WASHC2A: variants seen among roughly 807,000 people sequenced by gnomAD.
WASHC2A encodes WASH complex subunit 2A, also known as WASH complex subunit FAM21A.
A neutral mutation model predicts 140.3 loss-of-function variants in WASHC2A; 82 were observed. That is an observed-to-expected ratio of 0.58 (90% CI 0.49 to 0.70). WASHC2A has a LOEUF of 0.70. WASHC2A is among the 30% of genes least tolerant of loss of function. WASHC2A has a pLI of 0.00. For missense variants in WASHC2A, 985 were observed against 1,521.8 expected (o/e 0.65, Z 5.87); for synonymous variants, 340 against 560.8 (o/e 0.61, Z 5.56).
chr10:50,124,718 G>A (rs1462544304), intron 23 of WASHC2A, among the ~76,000 whole-genome samples: 1 of 151,298 alleles, frequency 6.6e-6, no homozygotes, highest in Non-Finnish European at 1.5e-5. Flanking sequence ...TTGGAAATGA[G>A]ATGAAGAGAA....
chr10:50,112,163 T>C (rs1842346012), intron 20 of WASHC2A: 1 of 983,204 alleles, frequency 1.0e-6, no homozygotes, highest in Non-Finnish European at 1.2e-6. Context: ...GTTAGCTTAT[T>C]CCCATGAGTG....
intron 26 of WASHC2A, 83 bp downstream of exon 26, chr10:50,126,262 C>T (rs2490904): frequency 1.9e-5 from 31 of 1,609,472 alleles, no homozygotes; most frequent in East Asian, 4.5e-5. Context: ...CACAGTTATT[C>T]AGACTTGTCT....
chr10:50,124,641 G>A (rs1254606522), intron 23 of WASHC2A, among the ~76,000 whole-genome samples: 5 of 152,128 alleles, frequency 3.3e-5, no homozygotes, highest in Admixed American at 1.3e-4. Flanking sequence ...GTGCTTACAG[G>A]TGAGGGACAC....
Position 50,074,865 on chromosome 10 carries a change from G to A in WASHC2A, c.292-3810G>A, listed in dbSNP as rs1429304305. Reference sequence around the variant, plus strand: ...CGGGAGGCAGAGCTTGCAGTGAGCCGAGATCCTGCCACTGCACTTCAGCCA... The same window carrying A: ...CGGGAGGCAGAGCTTGCAGTGAGCCAAGATCCTGCCACTGCACTTCAGCCA... On this transcript the variant is annotated intron_variant, in intron 3 of 30. Transcript: ENST00000282633. 8.5e-5 allele frequency among the ~76,000 whole-genome samples: 13 copies of A among 152,090 alleles called. 1 individual carries two copies. The East Asian group carries it at 9.6e-4, about 11-fold the overall frequency.
intron 8 of WASHC2A, among the ~76,000 whole-genome samples, chr10:50,090,493 A>G: frequency 1.3e-5 from 1 of 78,192 alleles, no homozygotes; most frequent in African/African-American, 3.9e-5. Context: ...ACAGAGCTAG[A>G]CTCCATCTCA....
intron 18 of WASHC2A, 130 bp from the exon 19 acceptor site, chr10:50,106,204 G>GT (rs1841763550): frequency 3.2e-6 from 4 of 1,240,476 alleles, no homozygotes; most frequent in Middle Eastern, 2.8e-4. Context: ...GCATTTTGCG[G>GT]TTTTTCCCCG....
Position 50,132,964 on chromosome 10 carries a change from A to G in WASHC2A, c.*19A>G. On this transcript the variant is annotated 3_prime_UTR_variant, in exon 31 of 31. Coordinates refer to ENST00000282633, the MANE Select transcript of WASHC2A (RefSeq NM_001005751.3). Reference sequence around the variant, plus strand: ...CCAGTAGAGCACACAGGGTATCCACATGTTACCCTGCAGCTACATTGTTGA... The same window carrying G: ...CCAGTAGAGCACACAGGGTATCCACGTGTTACCCTGCAGCTACATTGTTGA... 6.2e-7 allele frequency: 1 copy of G among 1,611,904 alleles called. No individual in the cohort carries two copies. The highest frequency in any genetic ancestry group is 8.5e-7 in the Non-Finnish European group (1 of 1,179,770).
At position 50,067,968 on chromosome 10, in the gene WASHC2A, G is replaced by A. The variant is rs1342818751; in HGVS notation, c.-38G>A. The A allele has an allele frequency of 6.3e-7, 1 of 1,598,918 alleles. No individual in the cohort carries two copies. Among genetic ancestry groups the A allele is most frequent in the Non-Finnish European group, 8.5e-7 (1 of 1,174,578 alleles). ...CGGGGCTCTGCAGTCCTCGGCGTGT[G>A]CTGGCAGCTTCGGAGCCCACCGAGC... On this transcript the variant is annotated 5_prime_UTR_variant, in exon 1 of 31. Transcript: ENST00000282633.
At chr10:50,103,882 C>T (rs1469938404) in intron 17 of WASHC2A, among the ~76,000 whole-genome samples, 160 bp from the exon 18 acceptor site, 1 of 152,024 alleles carries the variant, frequency 6.6e-6, no homozygotes, top group African/African-American at 2.4e-5. Flanking sequence ...GACCCTGAGG[C>T]CTATCCCTTT....
At chr10:50,089,536 TC>T (rs1345965405) in intron 8 of WASHC2A, among the ~76,000 whole-genome samples, 1 of 152,118 alleles carries the variant, frequency 6.6e-6, no homozygotes, top group African/African-American at 2.4e-5. Context: ...CTCTGCATAC[TC>T]TTCAGAGGTA....
intron 23 of WASHC2A, among the ~76,000 whole-genome samples, chr10:50,120,685 A>C (rs1480641574): frequency 6.1e-5 from 9 of 147,736 alleles, no homozygotes; most frequent in Admixed American, 4.7e-4. Flanking sequence ...TGATATTAAA[A>C]CTAGACAGTG....
At chr10:50,106,699 C>T (rs1554888702) in intron 19 of WASHC2A, among the ~76,000 whole-genome samples, 1 of 138,510 alleles carries the variant, frequency 7.2e-6, no homozygotes, top group Non-Finnish European at 1.6e-5. Context: ...AGTGTATGCT[C>T]CTTCAAATGA....
At chr10:50,098,672 T>C (rs1589217392) in intron 16 of WASHC2A, among the ~76,000 whole-genome samples, 1 of 119,800 alleles carries the variant, frequency 8.3e-6, no homozygotes, top group East Asian at 2.3e-4. Flanking sequence ...GTGTCTGCAT[T>C]GCATTTGGTT....
rs577256966 is a variant in WASHC2A, at chr10:50,069,864, A to G, written c.291+153A>G. On this transcript the variant is annotated intron_variant, in intron 3 of 30. Transcript: ENST00000282633. ...TCTCTGGGATTAATACCTCTTTTTT[A>G]TTTGTAAAGTTTTAAGTCCTTTTTT... 1.6e-3 allele frequency among the ~76,000 whole-genome samples: 239 copies of G among 152,094 alleles called. 1 individual carries two copies. The highest frequency in any genetic ancestry group is 5.6e-3 in the African/African-American group (231 of 41,484).
At position 50,130,009 on chromosome 10, in the gene WASHC2A, T is replaced by C; in HGVS notation, c.3678T>C (p.Asp1226=). 6.2e-7 allele frequency: 1 copy of C among 1,611,968 alleles called. No individual in the cohort carries two copies. Among genetic ancestry groups the C allele is most frequent in the Non-Finnish European group, 8.5e-7 (1 of 1,179,838 alleles). The change falls in exon 29 of 31, where the codon GAT becomes GAC. Residue 1226 remains aspartate, a synonymous_variant. Transcript: ENST00000282633. ...KNETKSNSQQ[D]VILTTQDIFE... ...AGACAAAATCCAATAGTCAGCAGGA[T>C]GTCATATTAACAACACAAGATATTT... is the stretch of plus-strand genomic sequence containing the variant.
At chr10:50,089,269 A>G (rs1554881942) in intron 8 of WASHC2A, among the ~76,000 whole-genome samples, 1 of 145,028 alleles carries the variant, frequency 6.9e-6, no homozygotes, top group African/African-American at 2.6e-5. Flanking sequence ...CCGGCCACAA[A>G]CAGTTTTTCA....
At chr10:50,132,037 C>A (rs1844020469) in intron 30 of WASHC2A, among the ~76,000 whole-genome samples, 1 of 152,306 alleles carries the variant, frequency 6.6e-6, no homozygotes, top group African/African-American at 2.4e-5. Context: ...AATATATTTA[C>A]CTATTCTGCT....
chr10:50,102,315 A>C (rs1841279607), intron 17 of WASHC2A, among the ~76,000 whole-genome samples: 1 of 152,212 alleles, frequency 6.6e-6, no homozygotes, highest in African/African-American at 2.4e-5. Context: ...GTGAGGCTGA[A>C]GCTTGCCCTG....
intron 27 of WASHC2A, among the ~76,000 whole-genome samples, 161 bp from the exon 28 acceptor site, chr10:50,127,422 C>T (rs1010560279): frequency 7.9e-5 from 12 of 152,216 alleles, no homozygotes; most frequent in South Asian, 2.1e-4. Context: ...AGGTGTAAGA[C>T]GCTCTGTTTT....
Sources: allele counts gnomAD v4.1 joint callset (sites outside exome capture counted in the v4.1 genomes callset), GRCh38; gene constraint gnomAD v4.1.1; transcripts MANE v1.5; gene names NCBI Gene and HGNC (gene_info 2026-07-23, HGNC 2026-07-21).